GALNT17: variants seen among roughly 807,000 people sequenced by gnomAD.
GALNT17 encodes UDP-GalNAc:polypeptide N-acetylgalactosaminyltransferase-like 3.
A neutral mutation model predicts 63.7 loss-of-function variants in GALNT17; 29 were observed. The observed-to-expected ratio is 0.46, with a 90% CI of 0.34 to 0.62. The LOEUF (loss-of-function observed/expected upper bound fraction) is 0.62. GALNT17 is among the 20% of genes least tolerant of loss of function. The pLI, the probability that GALNT17 is intolerant of heterozygous loss-of-function variation, is 0.01. For synonymous variants in GALNT17, 305 were observed against 318.3 expected (o/e 0.96, Z 0.45); for missense variants, 603 against 799.6 (o/e 0.75, Z 2.97).
chr7:71,232,856 A>T (rs929890836), intron 1 of GALNT17, among the ~76,000 whole-genome samples: 5 of 152,068 alleles, frequency 3.3e-5, no homozygotes, highest in African/African-American at 1.2e-4. Context: ...TGATGGGTGT[A>T]TGTTATGGAG....
At chr7:71,698,332 G>A (rs561567777) in intron 9 of GALNT17, among the ~76,000 whole-genome samples, 1 of 152,208 alleles carries the variant, frequency 6.6e-6, no homozygotes, top group East Asian at 1.9e-4. Flanking sequence ...AGGCAAGAAT[G>A]AATTATAAGC....
chr7:71,223,554 T>A (rs1284737387), intron 1 of GALNT17, among the ~76,000 whole-genome samples: 2 of 152,148 alleles, frequency 1.3e-5, no homozygotes, highest in African/African-American at 2.4e-5. Flanking sequence ...TTTTCTTTTT[T>A]AAAAAAACTT....
chr7:71,416,191 C>A, intron 4 of GALNT17, 128 bp downstream of exon 4: 1 of 1,138,202 alleles, frequency 8.8e-7, no homozygotes. Flanking sequence ...AGAGACTCGT[C>A]AAAGAAGAAA....
At chr7:71,635,017 G>A (rs1336534405) in intron 6 of GALNT17, among the ~76,000 whole-genome samples, 1 of 151,876 alleles carries the variant, frequency 6.6e-6, no homozygotes, top group Non-Finnish European at 1.5e-5. Context: ...GACCAGCCTG[G>A]CCAACACAGT....
intron 1 of GALNT17, among the ~76,000 whole-genome samples, chr7:71,134,835 G>GTTTTTT (rs561383417): frequency 1.6e-4 from 9 of 57,888 alleles, no homozygotes; most frequent in Non-Finnish European, 2.0e-4. Context: ...TTGTTTTATG[G>GTTTTTT]TTTTTTTTTT....
intron 1 of GALNT17, among the ~76,000 whole-genome samples, chr7:71,146,652 G>T (rs2116196575): frequency 6.6e-6 from 1 of 152,172 alleles, no homozygotes; most frequent in Admixed American, 6.5e-5. Flanking sequence ...ATAAATGCAG[G>T]ACTCACAGGG....
At chr7:71,471,422 AACC>A (rs1787630781) in intron 5 of GALNT17, among the ~76,000 whole-genome samples, 3 of 123,902 alleles carry the variant, frequency 2.4e-5, no homozygotes, top group African/African-American at 8.6e-5. Context: ...AAACAAAAAA[AACC>A]AAAAACCATA....
chr7:71,357,465 T>C (rs1335447816), intron 2 of GALNT17, among the ~76,000 whole-genome samples: 1 of 152,138 alleles, frequency 6.6e-6, no homozygotes, highest in African/African-American at 2.4e-5. Flanking sequence ...TGGCCCCTGG[T>C]CTCAAAAAGG....
intron 1 of GALNT17, among the ~76,000 whole-genome samples, chr7:71,173,443 G>C (rs10216015): frequency 6.6e-6 from 1 of 151,956 alleles, no homozygotes; most frequent in Non-Finnish European, 1.5e-5. Flanking sequence ...TATTAGTTTA[G>C]TGGTGATTTC....
intron 6 of GALNT17, among the ~76,000 whole-genome samples, chr7:71,609,812 TA>T (rs1790098558): frequency 6.6e-6 from 1 of 152,094 alleles, no homozygotes; most frequent in Admixed American, 6.6e-5. Flanking sequence ...ATTACTAAGT[TA>T]TTATTAATAA....
intron 1 of GALNT17, among the ~76,000 whole-genome samples, chr7:71,315,573 A>G (rs929137022): frequency 6.6e-6 from 1 of 152,174 alleles, no homozygotes; most frequent in Non-Finnish European, 1.5e-5. Flanking sequence ...CTTCCATTAT[A>G]TGGGCTTGTG....
At chr7:71,245,848 G>GTTTTTTTTTTTTTTTT (rs542136452) in intron 1 of GALNT17, among the ~76,000 whole-genome samples, 21 of 122,872 alleles carry the variant, frequency 1.7e-4, no homozygotes, top group African/African-American at 4.4e-4. Flanking sequence ...AAGAGAGCAG[G>GTTTTTTTTTTTTTTTT]TTTTTTTTTT....
intron 5 of GALNT17, among the ~76,000 whole-genome samples, chr7:71,494,777 C>T (rs564488922): frequency 1.7e-4 from 26 of 152,304 alleles, no homozygotes; most frequent in East Asian, 9.6e-4. Flanking sequence ...CTCAGTTCCA[C>T]GTGGCTGGGG....
At chr7:71,136,479 C>T (rs960637972) in intron 1 of GALNT17, among the ~76,000 whole-genome samples, 3 of 152,136 alleles carry the variant, frequency 2.0e-5, no homozygotes, top group African/African-American at 7.2e-5. Context: ...GCTCTACCTC[C>T]TCCTGGCTTC....
chr7:71,248,465 A>G (rs1483633775), intron 1 of GALNT17, among the ~76,000 whole-genome samples: 1 of 152,236 alleles, frequency 6.6e-6, no homozygotes, highest in African/African-American at 2.4e-5. Context: ...TTAAGGGTCA[A>G]CTGTACTGCG....
chr7:71,212,617 A>C (rs1318917236), intron 1 of GALNT17, among the ~76,000 whole-genome samples: 1 of 152,172 alleles, frequency 6.6e-6, no homozygotes, highest in Non-Finnish European at 1.5e-5. Flanking sequence ...GAAAGCAGCC[A>C]GGAGGGGGGG....
chr7:71,619,809 A>G (rs1461848848), intron 6 of GALNT17, among the ~76,000 whole-genome samples: 4 of 152,124 alleles, frequency 2.6e-5, no homozygotes, highest in African/African-American at 7.2e-5. Context: ...TGCTCCAGCT[A>G]GGACTTCCAG....
At chr7:71,504,818 G>A (rs796758265) in intron 5 of GALNT17, among the ~76,000 whole-genome samples, 6 of 152,108 alleles carry the variant, frequency 3.9e-5, no homozygotes, top group African/African-American at 1.2e-4. Flanking sequence ...TCTGTGGCCC[G>A]TCACCTCTCA....
At chr7:71,449,901 C>T (rs983377764) in intron 5 of GALNT17, among the ~76,000 whole-genome samples, 1 of 151,608 alleles carries the variant, frequency 6.6e-6, no homozygotes, top group African/African-American at 2.4e-5. Context: ...ATTAGCCAGT[C>T]GTGGTGGCAG....
Sources: allele counts gnomAD v4.1 joint callset (sites outside exome capture counted in the v4.1 genomes callset), GRCh38; gene constraint gnomAD v4.1.1; transcripts MANE v1.5; gene names NCBI Gene and HGNC (gene_info 2026-07-23, HGNC 2026-07-21).